ATP9B: variants seen among roughly 807,000 people sequenced by gnomAD.
ATP9B encodes the protein ATPase phospholipid transporting 9B.
ATP9B carries 110 observed loss-of-function variants against 146.1 expected under a neutral mutation model. The observed-to-expected ratio is 0.75, with a 90% CI of 0.65 to 0.88. The LOEUF is 0.88. Ranked by LOEUF, ATP9B falls within the 40% of genes least tolerant of loss-of-function variation. ATP9B has a pLI of 0.00. For synonymous variants in ATP9B, 604 were observed against 569.7 expected, an observed-to-expected ratio of 1.06 and a Z score of -0.86; for missense variants, 1,499 against 1,496.4, an observed-to-expected ratio of 1.00 and a Z score of -0.03.
intron 8 of ATP9B, among the ~76,000 whole-genome samples, chr18:79,183,274 T>C (rs1016163789): frequency 6.6e-6 from 1 of 152,122 alleles, no homozygotes; most frequent in African/African-American, 2.4e-5. Context: ...AAATTCTAGA[T>C]TTAAAAAAAA....
At chr18:79,139,449 C>T (rs1413432015) in intron 5 of ATP9B, among the ~76,000 whole-genome samples, 3 of 152,218 alleles carry the variant, frequency 2.0e-5, no homozygotes, top group Non-Finnish European at 4.4e-5. Context: ...TCAGCTACTA[C>T]ATCACTGGGA....
At chr18:79,180,135 A>C (rs767845753) in intron 8 of ATP9B, among the ~76,000 whole-genome samples, 1 of 152,042 alleles carries the variant, frequency 6.6e-6, no homozygotes, top group African/African-American at 2.4e-5. Flanking sequence ...TGTGTTTTAT[A>C]TATCTTTTTC....
chr18:79,301,114 A>G (rs1241999162), intron 13 of ATP9B, among the ~76,000 whole-genome samples: 2 of 152,232 alleles, frequency 1.3e-5, no homozygotes, highest in Non-Finnish European at 2.9e-5. Flanking sequence ...ACTTACCCTA[A>G]TATGAATTAA....
chr18:79,266,275 T>C (rs1396492824), intron 12 of ATP9B, among the ~76,000 whole-genome samples: 1 of 152,150 alleles, frequency 6.6e-6, no homozygotes, highest in Admixed American at 6.5e-5. Flanking sequence ...TCCTCTCTTT[T>C]TGCTGATGTA....
intron 11 of ATP9B, among the ~76,000 whole-genome samples, chr18:79,230,300 C>T (rs2095778846): frequency 1.3e-5 from 2 of 152,062 alleles, no homozygotes; most frequent in Non-Finnish European, 2.9e-5. Context: ...ATGACATGAT[C>T]GTATGCCTAG....
intron 6 of ATP9B, among the ~76,000 whole-genome samples, chr18:79,147,255 G>A (rs370958764): frequency 8.8e-4 from 134 of 151,688 alleles, no homozygotes; most frequent in Admixed American, 3.4e-3. Flanking sequence ...GTTACAAGTG[G>A]TTACTTCAGC....
chr18:79,099,668 G>A (rs1304902424), intron 2 of ATP9B, among the ~76,000 whole-genome samples: 1 of 151,932 alleles, frequency 6.6e-6, no homozygotes, highest in Non-Finnish European at 1.5e-5. Context: ...GTCTTGCTAT[G>A]TTGCCCAGGC....
chr18:79,281,137 G>A (rs1485520579), intron 13 of ATP9B, among the ~76,000 whole-genome samples: 2 of 152,202 alleles, frequency 1.3e-5, no homozygotes, highest in African/African-American at 2.4e-5. Flanking sequence ...TGATTAATAC[G>A]TCCTGTCAGA....
chr18:79,251,536 A>C (rs1228787237), intron 11 of ATP9B, among the ~76,000 whole-genome samples: 1 of 152,202 alleles, frequency 6.6e-6, no homozygotes, highest in African/African-American at 2.4e-5. Context: ...TTTAGCACAA[A>C]ATGTAGTAGA....
chr18:79,248,515 A>G (rs2095991133), intron 11 of ATP9B, among the ~76,000 whole-genome samples: 3 of 152,360 alleles, frequency 2.0e-5, no homozygotes, highest in Admixed American at 2.0e-4. Flanking sequence ...GTCAGGGTCC[A>G]AATTCGAAAT....
chr18:79,264,900 C>G (rs780441526), intron 12 of ATP9B, among the ~76,000 whole-genome samples: 9 of 152,124 alleles, frequency 5.9e-5, no homozygotes, highest in Non-Finnish European at 8.8e-5. Context: ...TGTTAACAGA[C>G]TTTTATAATA....
chr18:79,273,433 C>G (rs1156277328), intron 12 of ATP9B, among the ~76,000 whole-genome samples: 1 of 152,182 alleles, frequency 6.6e-6, no homozygotes, highest in Non-Finnish European at 1.5e-5. Flanking sequence ...CACATGGCCT[C>G]TGTGTCCTTT....
chr18:79,303,053 A>G lies in ATP9B; in HGVS notation c.1412-551A>G, dbSNP rs540157862. On this transcript the variant is annotated intron_variant, in intron 13 of 29. Transcript: ENST00000426216. ...TGAAAGGCAATGACGGACTTTCTTCATATAACTAGAGCCCTTCTCATTATT... is the reference window on the plus strand; with the variant it reads ...TGAAAGGCAATGACGGACTTTCTTCGTATAACTAGAGCCCTTCTCATTATT... Among the ~76,000 whole-genome samples, 15 of 152,300 alleles carry G rather than the reference A, an allele frequency of 9.8e-5. No individual in the cohort carries two copies. The South Asian group carries it at 3.1e-3, about 32-fold the overall frequency.
intron 17 of ATP9B, among the ~76,000 whole-genome samples, chr18:79,335,184 A>G (rs2096816932): frequency 6.6e-6 from 1 of 152,204 alleles, no homozygotes; most frequent in South Asian, 2.1e-4. Context: ...GCTATTAACT[A>G]TGAGCAGGCT....
At position 79,377,231 on chromosome 18, in the gene ATP9B, T is replaced by G; in HGVS notation, c.3308-16T>G. 6.2e-7 allele frequency: 1 copy of G among 1,610,404 alleles called. No homozygotes were observed. Among genetic ancestry groups the G allele is most frequent in the Non-Finnish European group, 8.5e-7 (1 of 1,179,988 alleles). ...CTTGGTCAGCTCTTACCTTTTTCTC[T>G]GTTTCCTGCCAACAGATGTTGCCTT... is the stretch of plus-strand genomic sequence containing the variant. On this transcript the variant is annotated splice_polypyrimidine_tract_variant and intron_variant, in intron 29 of 29. Transcript: ENST00000426216.
At chr18:79,329,329 G>A (rs750544635) in intron 16 of ATP9B, 27 bp downstream of exon 16, 13 of 1,551,216 alleles carry the variant, frequency 8.4e-6, no homozygotes, top group Admixed American at 1.9e-5. Flanking sequence ...GGTGCCACGC[G>A]ATGGCTTCAG....
At position 79,140,799 on chromosome 18, in the gene ATP9B, G is replaced by T. The variant is rs1270042723; in HGVS notation, c.668-3003G>T. On this transcript the variant is annotated intron_variant, in intron 5 of 29. Coordinates refer to ENST00000426216, the MANE Select transcript of ATP9B (RefSeq NM_198531.5). ...CCATCTCAAACAGCAGCAAAAAAAA[G>T]AGTAGGTAGTTATTTGGTATACATT... Among the ~76,000 whole-genome samples, 3 of 152,144 alleles carry T rather than the reference G, an allele frequency of 2.0e-5. No individual in the cohort carries two copies. The South Asian group carries it at 6.2e-4, about 32-fold the overall frequency.
At chr18:79,212,381 T>A (rs1188098318) in intron 10 of ATP9B, among the ~76,000 whole-genome samples, 2 of 152,208 alleles carry the variant, frequency 1.3e-5, no homozygotes, top group African/African-American at 4.8e-5. Flanking sequence ...TGAATTGAGG[T>A]ACTGTGCATT....
At chr18:79,373,770 T>G in intron 27 of ATP9B, 128 bp from the exon 28 acceptor site, 2 of 925,866 alleles carry the variant, frequency 2.2e-6, no homozygotes, top group Non-Finnish European at 3.3e-6. Context: ...AAGACAGACA[T>G]GAGCTGCTGC....
Sources: gnomAD v4.1 joint callset for allele counts (sites outside exome capture counted in the v4.1 genomes callset) on GRCh38, gnomAD v4.1.1 for gene constraint, MANE v1.5 for transcripts, NCBI Gene and HGNC (gene_info 2026-07-23, HGNC 2026-07-21) for gene names.